DYRK4: variants seen among roughly 807,000 people sequenced by gnomAD.
The protein encoded by DYRK4 is dual specificity tyrosine phosphorylation regulated kinase 4.
A neutral mutation model predicts 68.3 loss-of-function variants in DYRK4; 64 were observed. The ratio of observed to expected loss-of-function variants is 0.94; its 90% confidence interval spans 0.77 to 1.15. The LOEUF is 1.15. DYRK4 is among the 50% of genes most tolerant of loss of function. The pLI is 0.00. For missense variants in DYRK4, 740 were observed against 764.7 expected (o/e 0.97, Z 0.38); for synonymous variants, 274 against 289.9 (o/e 0.95, Z 0.56).
At chr12:4,565,254 A>AT (rs1379001269) in intron 1 of DYRK4, among the ~76,000 whole-genome samples, 1 of 152,268 alleles carries the variant, frequency 6.6e-6, no homozygotes, top group Non-Finnish European at 1.5e-5. Context: ...GAGTTCATGC[A>AT]TAAAAAAAGA....
In DYRK4 at chr12:4,613,334, C is replaced by T. The variant is rs138964384; in HGVS notation, c.1667-181C>T. ...CTCCAGGGTCGCTGAAATGATCAGACGAATTAGTAAATGTACAGTGCTTAG... is the reference window on the plus strand; with the variant it reads ...CTCCAGGGTCGCTGAAATGATCAGATGAATTAGTAAATGTACAGTGCTTAG... On this transcript the variant is annotated intron_variant, in intron 14 of 14. Coordinates refer to ENST00000543431, the MANE Select transcript of DYRK4 (RefSeq NM_001394779.1). The surrounding 1 kb of genome is among the most constrained non-coding windows in gnomAD (Gnocchi z 4.0). Among the ~76,000 whole-genome samples, 423 of 152,242 alleles carry T rather than the reference C, an allele frequency of 2.8e-3. 1 individual carries two copies. Among genetic ancestry groups the T allele is most frequent in the Non-Finnish European group, 4.5e-3 (304 of 68,016 alleles).
intron 6 of DYRK4, 58 bp from the exon 7 acceptor site, chr12:4,596,091 A>T: frequency 6.3e-7 from 1 of 1,579,828 alleles, no homozygotes; most frequent in Non-Finnish European, 8.7e-7. Flanking sequence ...AGGGCCATGT[A>T]CCAGGAAGGC....
chr12:4,583,112 C>T (rs377032349), intron 2 of DYRK4, among the ~76,000 whole-genome samples: 1 of 152,060 alleles, frequency 6.6e-6, no homozygotes, highest in Non-Finnish European at 1.5e-5. Flanking sequence ...AGTAAGAAAT[C>T]GTAACAATTT....
chr12:4,599,818 G>C lies in DYRK4; in HGVS notation c.1126+30G>C, dbSNP rs547960142. ...GCCCCATGTCAGTCCCATCATCTGAGTTTTCCTATTGCAATTTCTCTCCCT... is the reference window on the plus strand; with the variant it reads ...GCCCCATGTCAGTCCCATCATCTGACTTTTCCTATTGCAATTTCTCTCCCT... On this transcript the variant is annotated intron_variant, in intron 10 of 14. Coordinates refer to ENST00000543431, the MANE Select transcript of DYRK4 (RefSeq NM_001394779.1). The C allele has an allele frequency of 3.9e-5, 62 of 1,594,486 alleles. 1 individual carries two copies. In the South Asian group the frequency reaches 6.0e-4, roughly 15 times the overall value.
At chr12:4,599,273 T>TTG (rs371070934) in intron 9 of DYRK4, 107 bp downstream of exon 9, 102,873 of 682,074 alleles carry the variant, frequency 0.15, 5,463 homozygotes, top group East Asian at 0.23. Context: ...CCTTTGACTT[T>TTG]TTTTTTTTTT....
intron 4 of DYRK4, 168 bp from the exon 5 acceptor site, chr12:4,590,991 CT>C (rs1161081390): frequency 3.9e-6 from 3 of 770,064 alleles, no homozygotes; most frequent in Non-Finnish European, 6.1e-6. Context: ...CAGATGCTTC[CT>C]TTGGGAGAGA....
chr12:4,582,856 C>T (rs1225325131), intron 2 of DYRK4, among the ~76,000 whole-genome samples: 5 of 151,880 alleles, frequency 3.3e-5, no homozygotes, highest in Admixed American at 6.6e-5. Flanking sequence ...AGGCTGGGGG[C>T]GCTTTGTGAG....
In DYRK4 at chr12:4,562,269, C is replaced by A. The variant is rs1365727043; in HGVS notation, c.24C>A (p.Ile8=). The A allele has an allele frequency of 2.6e-6, 4 of 1,532,568 alleles. No individual in the cohort carries two copies. The highest frequency in any genetic ancestry group is 1.2e-5 in the South Asian group (1 of 83,596). The allele number at this position is 1,532,568 out of a possible 1,614,324, so 94.9% of individuals were successfully genotyped here. A position where few individuals can be genotyped will look rare whatever the true frequency, so the allele number is the denominator to read the frequency against. MQLLPPP[I]RTGTKTQMDA... is the part of the protein sequence containing the mutation. ...TCATGCAGCTCCTCCCGCCGCCTAT[C>A]CGCACCGGAACAAAGTAAGGGCCGC... The change falls in exon 1 of 15, where the codon ATC becomes ATA. Residue 8 remains isoleucine, a synonymous_variant. Coordinates refer to ENST00000543431, the MANE Select transcript of DYRK4 (RefSeq NM_001394779.1).
At position 4,590,200 on chromosome 12, in the gene DYRK4, AG is replaced by A. The variant is rs1565537241; in HGVS notation, c.214-128del. ...ATTTCTTGCCAAGAACTTTAAGAAT[AG>A]GTTTAGGTCCAGATTGGGGTTAGGC... On this transcript the variant is annotated intron_variant, in intron 3 of 14. Transcript: ENST00000543431. 64 of 1,399,020 alleles carry A rather than the reference AG, an allele frequency of 4.6e-5. No individual in the cohort carries two copies. The South Asian group carries it at 1.0e-3, about 22-fold the overall frequency. 86.7% of individuals were successfully genotyped at this position (1,399,020 alleles called of 1,614,324 possible).
At position 4,591,257 on chromosome 12, in the gene DYRK4, A is replaced by G. The variant is rs751155960; in HGVS notation, c.422A>G (p.Glu141Gly). 26 of 1,614,162 alleles carry G rather than the reference A, an allele frequency of 1.6e-5. No homozygotes were observed. The South Asian group carries it at 2.7e-4, about 17-fold the overall frequency. ...AAAACCCAGGATCCCAAGGCAGAGG[A>G]GAAGTCACCAAAGAAGCAAAAGGTG... is the stretch of plus-strand genomic sequence containing the variant. ...SIKTQDPKAE[E>G]KSPKKQKVTL... The change falls in exon 5 of 15, where the codon GAG becomes GGG. Residue 141 changes from glutamate to glycine, a missense_variant. Coordinates refer to ENST00000543431, the MANE Select transcript of DYRK4 (RefSeq NM_001394779.1). This position sits in a 1 kb window ranked among gnomAD's most constrained non-coding sequence, Gnocchi z 4.1.
intron 12 of DYRK4, among the ~76,000 whole-genome samples, chr12:4,608,517 G>C (rs1180029583): frequency 6.6e-6 from 1 of 152,142 alleles, no homozygotes; most frequent in Non-Finnish European, 1.5e-5. Flanking sequence ...AACTGATTCA[G>C]CCATGTGGGG....
intron 1 of DYRK4, among the ~76,000 whole-genome samples, chr12:4,566,063 A>C (rs1411157819): frequency 6.6e-6 from 1 of 152,170 alleles, no homozygotes. Flanking sequence ...TGTCCAGTTG[A>C]TGGCCACAAT....
intron 10 of DYRK4, among the ~76,000 whole-genome samples, chr12:4,600,721 C>T (rs1395931239): frequency 6.6e-6 from 1 of 151,664 alleles, no homozygotes. Context: ...CTTCCATGCC[C>T]TCTTGGGGGC....
At chr12:4,599,312 A>G (rs1945054678) in intron 9 of DYRK4, 146 bp downstream of exon 9, 1 of 803,256 alleles carries the variant, frequency 1.2e-6, no homozygotes, top group Non-Finnish European at 1.9e-6. Flanking sequence ...CTGTCATGGC[A>G]GTATATCAAG....
intron 6 of DYRK4, 58 bp from the exon 7 acceptor site, chr12:4,596,091 A>G: frequency 1.0e-5 from 16 of 1,579,828 alleles, no homozygotes; most frequent in Non-Finnish European, 1.4e-5. Context: ...AGGGCCATGT[A>G]CCAGGAAGGC....
At chr12:4,581,482 G>A (rs529277646) in intron 2 of DYRK4, among the ~76,000 whole-genome samples, 1 of 152,144 alleles carries the variant, frequency 6.6e-6, no homozygotes, top group Non-Finnish European at 1.5e-5. Flanking sequence ...TTGAGAGGGG[G>A]CATGAGCAGA....
At position 4,562,296 on chromosome 12, in the gene DYRK4, G is replaced by A. The variant is rs1465683102; in HGVS notation, c.38+13G>A. ...GCACCGGAACAAAGTAAGGGCCGCGGAGGCTCGTACTTCACGAGCAGTCAG... is the reference window on the plus strand; with the variant it reads ...GCACCGGAACAAAGTAAGGGCCGCGAAGGCTCGTACTTCACGAGCAGTCAG... On this transcript the variant is annotated intron_variant, in intron 1 of 14. Coordinates refer to ENST00000543431, the MANE Select transcript of DYRK4 (RefSeq NM_001394779.1). 2 of 1,532,076 alleles carry A rather than the reference G, an allele frequency of 1.3e-6. No individual in the cohort carries two copies. Among genetic ancestry groups the A allele is most frequent in the Non-Finnish European group, 1.7e-6 (2 of 1,145,098 alleles). The allele number at this position is 1,532,076 out of a possible 1,614,324, so 94.9% of individuals were successfully genotyped here.
At chr12:4,587,831 C>G (rs1944912770) in intron 2 of DYRK4, among the ~76,000 whole-genome samples, 2 of 152,140 alleles carry the variant, frequency 1.3e-5, no homozygotes, top group South Asian at 4.1e-4. Flanking sequence ...TCAGTGTGGC[C>G]AAATGTTTAC....
rs1945062702 is a variant in DYRK4 at position 4,599,937 on chromosome 12, G to A, written c.1126+149G>A. 4 of 643,002 alleles carry A rather than the reference G, an allele frequency of 6.2e-6. No homozygotes were observed. In the South Asian group the frequency reaches 7.8e-5, roughly 13 times the overall value. 39.8% of individuals were successfully genotyped at this position (643,002 alleles called of 1,614,324 possible). A position where few individuals can be genotyped will look rare whatever the true frequency, so the allele number is the denominator to read the frequency against. On this transcript the variant is annotated intron_variant, in intron 10 of 14. Coordinates refer to ENST00000543431, the MANE Select transcript of DYRK4 (RefSeq NM_001394779.1). ...AGGTGCTTCGCTTCTCTGAGCCCAAGTTGCCTCATCTACAATTTGAGAAAG... is the reference window on the plus strand; with the variant it reads ...AGGTGCTTCGCTTCTCTGAGCCCAAATTGCCTCATCTACAATTTGAGAAAG...
Sources: gnomAD v4.1 joint callset for allele counts (sites outside exome capture counted in the v4.1 genomes callset) on GRCh38, gnomAD v4.1.1 for gene constraint, Gnocchi (gnomAD v3.1) non-coding constraint, MANE v1.5 for transcripts, NCBI Gene and HGNC (gene_info 2026-07-23, HGNC 2026-07-21) for gene names.